The following RNF213 variants were observed in gnomAD, a reference collection of about 807,000 sequenced individuals.
RNF213 encodes the protein E3 ubiquitin-protein ligase RNF213.
In RNF213, 341 loss-of-function variants were observed where a neutral mutation model predicts 514.4. The observed-to-expected ratio is 0.66, with a 90% CI of 0.61 to 0.73. The LOEUF (loss-of-function observed/expected upper bound fraction) is 0.73. Among genes scored for constraint, RNF213 ranks in the 30% least tolerant of loss-of-function variants. The pLI is 0.00. For synonymous variants in RNF213, 2,655 were observed against 2,658.2 expected (o/e 1.00, Z 0.04); for missense variants, 5,767 against 6,615.6 (o/e 0.87, Z 4.45).
chr17:80,303,133 C>G (rs2045236616), intron 11 of RNF213, among the ~76,000 whole-genome samples: 3 of 152,214 alleles, frequency 2.0e-5, no homozygotes, highest in South Asian at 4.1e-4. Flanking sequence ...GACAGCTGCT[C>G]CTGGCCTTGT....
intron 38 of RNF213, among the ~76,000 whole-genome samples, chr17:80,361,100 CTGTAGCCATGCAACATACAA>C (rs1018447831): frequency 1.1e-4 from 17 of 152,208 alleles, no homozygotes; most frequent in African/African-American, 3.6e-4. Context: ...ATGCTGTGAC[CTGTAGCCATGCAACATACAA>C]TGTAGCCATG....
chr17:80,328,843 T>C (rs1211021301), intron 20 of RNF213, among the ~76,000 whole-genome samples: 1 of 152,144 alleles, frequency 6.6e-6, no homozygotes, highest in African/African-American at 2.4e-5. Context: ...GCATCATTGT[T>C]TAGGGTTAAA....
Position 80,288,293 on chromosome 17 carries a change from A to C in RNF213, c.740A>C (p.Lys247Thr). The change falls in exon 4 of 68, where the codon AAA (lysine) becomes ACA (threonine). Residue 247 changes from lysine to threonine, a missense_variant. Lys to Thr is a moderately conservative substitution (Grantham distance 78). Around this residue, in one of 13 missense-constraint regions of RNF213, gnomAD observed 509 missense variants for 496.7 expected, o/e 1.02. Transcript: ENST00000582970. This position sits in a 1 kb window ranked among gnomAD's most constrained non-coding sequence, Gnocchi z 4.9. The part of the protein sequence containing the change: ...AAQELLLPES[K>T]GGSSEPGTEL... The stretch of plus-strand genomic sequence containing the variant: ...CAGGAGCTCCTGTTGCCTGAGTCAA[A>C]AGGAGGCAGCTCTGAGCCCGGGACA... 6.2e-7 allele frequency: 1 copy of C among 1,613,012 alleles called. No homozygotes were observed. The highest frequency in any genetic ancestry group is 8.5e-7 in the Non-Finnish European group (1 of 1,179,990).
Position 80,353,856 on chromosome 17 carries a change from A to G in RNF213, c.10579-163A>G. 1 of 1,181,538 alleles carries G rather than the reference A, an allele frequency of 8.5e-7. No homozygotes were observed. Among genetic ancestry groups the G allele is most frequent in the Non-Finnish European group, 1.2e-6 (1 of 815,240 alleles). The allele number at this position is 1,181,538 out of a possible 1,614,324, so 73.2% of individuals were successfully genotyped here. The stretch of plus-strand genomic sequence containing the variant: ...GGGGGTCAAGGGCATCTGCACCGGC[A>G]GTTTGGGGGGTGCAGGGCGGAGGTC... On this transcript the variant is annotated intron_variant, in intron 34 of 67. Transcript: ENST00000582970. This position sits in a 1 kb window ranked among gnomAD's most constrained non-coding sequence, Gnocchi z 5.0.
Position 80,291,689 on chromosome 17 carries a change from G to GA in RNF213, c.1334dup (p.Asp445GlufsTer2). The GA allele has an allele frequency of 6.2e-7, 1 of 1,614,218 alleles. No homozygotes were observed. The highest frequency in any genetic ancestry group is 8.5e-7 in the Non-Finnish European group (1 of 1,180,052). Reference sequence around the variant, plus strand: ...TGTCTGCATTTCCAAGAAGCACCTAGATAAATACATTCCTTACAAGTACGT... The same window carrying GA: ...TGTCTGCATTTCCAAGAAGCACCTAGAATAAATACATTCCTTACAAGTACGT... On this transcript the variant is annotated frameshift_variant, in exon 8 of 68. Coordinates refer to ENST00000582970, the MANE Select transcript of RNF213 (RefSeq NM_001256071.3). LOFTEE classifies it high-confidence loss of function.
chr17:80,369,775 T>C lies in RNF213; in HGVS notation c.12333T>C (p.Cys4111=). 1.2e-6 allele frequency: 2 copies of C among 1,613,782 alleles called. No homozygotes were observed. The highest frequency in any genetic ancestry group is 1.1e-5 in the South Asian group (1 of 91,080). ...GRLRDAAQRH[C]EHTKSLSPFN... ...TTTTCTTTCTGGTTTAAGGACACTG[T>C]GAACACACAAAATCTCTCTCTCCAT... Residue 4111 remains cysteine (C), a synonymous_variant, in exon 46 of 68, where the codon TGT becomes TGC. Transcript: ENST00000582970.
chr17:80,388,108 C>T (rs1292911106), intron 63 of RNF213, among the ~76,000 whole-genome samples: 9 of 152,098 alleles, frequency 5.9e-5, no homozygotes, highest in Admixed American at 1.3e-4. Context: ...GGACTACAGG[C>T]GCCCGCCACC....
chr17:80,379,051 G>A (rs1482176599), intron 54 of RNF213, among the ~76,000 whole-genome samples: 1 of 140,784 alleles, frequency 7.1e-6, no homozygotes, highest in Admixed American at 6.8e-5. Context: ...TGGTGCATGC[G>A]TGCATGCGTG....
rs1387107483 is a variant in RNF213 at position 80,375,762 on chromosome 17, C to T, written c.13077C>T (p.Ala4359=). The part of the protein sequence containing the change: ...KPLGIKTALK[A]CKTPQSQQSA... ...ACTTGATACCCTTGATTTTGCAGGC[C>T]TGCAAGACCCCCCAAAGCCAGCAGT... Residue 4359 remains alanine, a splice_region_variant and synonymous_variant, in exon 51 of 68, where the codon GCC becomes GCT. Transcript: ENST00000582970. 8.1e-6 allele frequency: 13 copies of T among 1,612,086 alleles called. No individual in the cohort carries two copies. The highest frequency in any genetic ancestry group is 1.1e-5 in the Non-Finnish European group (13 of 1,178,292).
intron 67 of RNF213, among the ~76,000 whole-genome samples, chr17:80,391,601 C>G (rs908500720): frequency 2.0e-5 from 3 of 152,074 alleles, no homozygotes; most frequent in Non-Finnish European, 2.9e-5. Flanking sequence ...TGTGAGAGCT[C>G]TTTGCATAGA....
At chr17:80,389,966 T>C in intron 66 of RNF213, 46 bp from the exon 67 acceptor site, 1 of 1,613,162 alleles carries the variant, frequency 6.2e-7, no homozygotes, top group Non-Finnish European at 8.5e-7. Context: ...TGCGCTCCCT[T>C]CTCCCTGCAG....
Position 80,394,779 on chromosome 17 carries a change from G to GTGCC in RNF213, c.*1282_*1285dup, listed in dbSNP as rs2080614494. The GTGCC allele has an allele frequency of 6.6e-6, 1 of 152,226 alleles. No homozygotes were observed. Among genetic ancestry groups the GTGCC allele is most frequent in the Non-Finnish European group, 1.5e-5 (1 of 68,072 alleles). 9.4% of individuals were successfully genotyped at this position (152,226 alleles called of 1,614,324 possible). A position where few individuals can be genotyped will look rare whatever the true frequency, so the allele number is the denominator to read the frequency against. On this transcript the variant is annotated 3_prime_UTR_variant, in exon 68 of 68. Coordinates refer to ENST00000582970, the MANE Select transcript of RNF213 (RefSeq NM_001256071.3). ...GTGCTCCGTTCTCCTCACTGTCATG[G>GTGCC]TGCCACCAGTGTCTGATGAAGGGCA...
intron 57 of RNF213, 68 bp downstream of exon 57, chr17:80,381,795 C>A: frequency 1.4e-6 from 2 of 1,417,886 alleles, no homozygotes; most frequent in Admixed American, 1.9e-5. Flanking sequence ...GGCTCGCTGT[C>A]TTGTGGGCCA....
chr17:80,287,099 G>T (rs1464370879), intron 3 of RNF213, among the ~76,000 whole-genome samples: 2 of 152,166 alleles, frequency 1.3e-5, no homozygotes, highest in African/African-American at 4.8e-5. Flanking sequence ...GGTGGCTCAC[G>T]CGTGTAATCC....
chr17:80,388,811 C>A, intron 64 of RNF213, 122 bp downstream of exon 64: 1 of 826,802 alleles, frequency 1.2e-6, no homozygotes, highest in East Asian at 2.4e-5. Context: ...GTTTCTGCGG[C>A]CTCCCTTACA....
At chr17:80,278,007 C>T (rs1333356932) in intron 3 of RNF213, among the ~76,000 whole-genome samples, 1 of 152,232 alleles carries the variant, frequency 6.6e-6, no homozygotes, top group East Asian at 1.9e-4. Context: ...TCCACTTGGC[C>T]TCTCCTTTGG....
rs747285701 is a variant in RNF213 at position 80,319,364 on chromosome 17, G to A, written c.3024+52G>A. On this transcript the variant is annotated intron_variant, in intron 17 of 67. Transcript: ENST00000582970. Reference sequence around the variant, plus strand: ...GGATTCGGGCTCACAGCTGTGTTCTGCCATGACCCAGCTAAGGGCTATGAA... The same window carrying A: ...GGATTCGGGCTCACAGCTGTGTTCTACCATGACCCAGCTAAGGGCTATGAA... The A allele has an allele frequency of 3.7e-6, 6 of 1,614,068 alleles. No homozygotes were observed. In the East Asian group the frequency reaches 1.1e-4, roughly 30 times the overall value.
In RNF213 at chr17:80,388,620, C is replaced by A; in HGVS notation, c.14931C>A (p.Pro4977=). 6.2e-7 allele frequency: 1 copy of A among 1,609,016 alleles called. No individual in the cohort carries two copies. Among genetic ancestry groups the A allele is most frequent in the Non-Finnish European group, 8.5e-7 (1 of 1,175,744 alleles). ...TTTCTTTCCCAATTTAGGGAATACC[C>A]ACTCTGGTGTACAGACACGACTGGA... ...GKPRLSLKGI[P]TLVYRHDWNY... Residue 4977 remains proline (P), a synonymous_variant, in exon 64 of 68, where the codon CCC becomes CCA. Transcript: ENST00000582970.
Position 80,364,513 on chromosome 17 carries a change from T to C in RNF213, c.11831T>C (p.Leu3944Ser). 5 of 1,614,100 alleles carry C rather than the reference T, an allele frequency of 3.1e-6. No individual in the cohort carries two copies. Among genetic ancestry groups the C allele is most frequent in the Non-Finnish European group, 4.2e-6 (5 of 1,180,018 alleles). Residue 3944 changes from leucine to serine, a missense_variant, in exon 42 of 68, where the codon TTA (leucine) becomes TCA (serine). By Grantham distance (145) the Leu-to-Ser change is moderately radical (BLOSUM62 -2). Around this residue, in one of 13 missense-constraint regions of RNF213, gnomAD observed 355 missense variants for 358.0 expected, o/e 0.99. Transcript: ENST00000582970. ...LLGTESRVPE[L>S]QGLVTEHVFL... Reference sequence around the variant, plus strand: ...GGAACCGAGAGCCGCGTCCCCGAGTTACAGGGGCTGGTGACCGAGCACGTC... The same window carrying C: ...GGAACCGAGAGCCGCGTCCCCGAGTCACAGGGGCTGGTGACCGAGCACGTC...
Sources: gnomAD v4.1 joint callset for allele counts (sites outside exome capture counted in the v4.1 genomes callset) on GRCh38, gnomAD v4.1.1 for gene constraint, gnomAD v4.1.1 regional missense constraint, Gnocchi (gnomAD v3.1) non-coding constraint, MANE v1.5 for transcripts, NCBI Gene and HGNC (gene_info 2026-07-23, HGNC 2026-07-21) for gene names.